The following ATP8A2 variants were observed in gnomAD, a reference collection of about 807,000 sequenced individuals.
ATP8A2 encodes phospholipid-transporting ATPase IB.
A neutral mutation model predicts 165.6 loss-of-function variants in ATP8A2; 100 were observed. The ratio of observed to expected loss-of-function variants is 0.60; its 90% CI spans 0.51 to 0.71. The LOEUF (loss-of-function observed/expected upper bound fraction) is 0.71, where lower values mean the gene tolerates loss of function less well. ATP8A2 is among the 30% of genes least tolerant of loss of function. The pLI is 0.00. For synonymous variants in ATP8A2, 543 were observed against 548.8 expected (o/e 0.99, Z 0.15); for missense variants, 1,227 against 1,479.5 (o/e 0.83, Z 2.80).
chr13:25,724,115 G>C (rs73154547), intron 25 of ATP8A2, among the ~76,000 whole-genome samples: 15,000 of 152,252 alleles, frequency 0.099, 799 homozygotes, highest in African/African-American at 0.13. Flanking sequence ...TTGAGCTCCA[G>C]ATGAGAACAC....
At chr13:25,760,790 A>T (rs1463751985) in intron 25 of ATP8A2, among the ~76,000 whole-genome samples, 1 of 152,198 alleles carries the variant, frequency 6.6e-6, no homozygotes, top group Non-Finnish European at 1.5e-5. Context: ...GTGGAGTGTG[A>T]AGAAGAGCTC....
chr13:25,815,855 T>C (rs1951004085), intron 27 of ATP8A2, among the ~76,000 whole-genome samples: 1 of 152,164 alleles, frequency 6.6e-6, no homozygotes, highest in South Asian at 2.1e-4. Flanking sequence ...TATTTAGCCT[T>C]AAAAAGAATG....
In ATP8A2 at chr13:25,559,743, G is replaced by C; in HGVS notation, c.1375G>C (p.Glu459Gln). Residue 459 changes from glutamate (E) to glutamine (Q), a missense_variant, in exon 15 of 37, where the codon GAG (glutamate) becomes CAG (glutamine). This residue lies in a region of ATP8A2 where 592 missense variants were observed against 785.6 expected (regional missense o/e 0.75). Coordinates refer to ENST00000381655, the MANE Select transcript of ATP8A2 (RefSeq NM_016529.6). ...CAGTCACTTCCCAGAATTGGCAAGAGAGCCGTCTTCAGATGACTTCTGGTA... is the reference window on the plus strand; with the variant it reads ...CAGTCACTTCCCAGAATTGGCAAGACAGCCGTCTTCAGATGACTTCTGGTA... ...TYGHFPELAR[E>Q]PSSDDFCRMP... is the part of the protein sequence containing the mutation. 4 of 1,613,634 alleles carry C rather than the reference G, an allele frequency of 2.5e-6. No homozygotes were observed. Among genetic ancestry groups the C allele is most frequent in the Non-Finnish European group, 3.4e-6 (4 of 1,179,612 alleles).
At chr13:25,814,508 G>T (rs1176436250) in intron 27 of ATP8A2, among the ~76,000 whole-genome samples, 1 of 150,840 alleles carries the variant, frequency 6.6e-6, no homozygotes, top group Non-Finnish European at 1.5e-5. Flanking sequence ...AACAGTGTGT[G>T]TTACCATAAA....
At position 25,620,741 on chromosome 13, in the gene ATP8A2, G is replaced by T. The variant is rs9581409; in HGVS notation, c.2211+31042G>T. Among the ~76,000 whole-genome samples the T allele has an allele frequency of 3.6e-3, 543 of 152,186 alleles. 3 individuals are homozygous for T. The highest frequency in any genetic ancestry group is 0.017 in the Middle Eastern group (5 of 294). On this transcript the variant is annotated intron_variant, in intron 24 of 36. Transcript: ENST00000381655. ...ACAGTTGATAGAAATATGAAATTAAGACAAAATTCTTTACTACATTTTAAG... is the reference window on the plus strand; with the variant it reads ...ACAGTTGATAGAAATATGAAATTAATACAAAATTCTTTACTACATTTTAAG...
At chr13:25,450,634 C>G (rs956413177) in intron 1 of ATP8A2, among the ~76,000 whole-genome samples, 3 of 152,224 alleles carry the variant, frequency 2.0e-5, no homozygotes, top group South Asian at 4.2e-4. Flanking sequence ...CGGGTTCACG[C>G]CATTCTCCTG....
chr13:25,721,051 G>C (rs1361511540), intron 25 of ATP8A2, among the ~76,000 whole-genome samples: 1 of 151,018 alleles, frequency 6.6e-6, no homozygotes, highest in East Asian at 1.9e-4. Context: ...GAACTCCTAG[G>C]CTCAAGTGAT....
At chr13:25,463,005 C>A (rs569185307) in intron 1 of ATP8A2, among the ~76,000 whole-genome samples, 7 of 152,042 alleles carry the variant, frequency 4.6e-5, no homozygotes, top group African/African-American at 1.4e-4. Flanking sequence ...CGTGGGACGG[C>A]CTGTGTGACT....
chr13:25,629,572 C>T (rs4293223), intron 24 of ATP8A2, among the ~76,000 whole-genome samples: 2,925 of 152,050 alleles, frequency 0.019, 91 homozygotes, highest in African/African-American at 0.065. Context: ...CAAGTATTTG[C>T]GTTAGGTGAG....
chr13:25,884,592 C>A lies in ATP8A2; in HGVS notation c.3183+22184C>A, dbSNP rs147636149. 2.3e-3 allele frequency among the ~76,000 whole-genome samples: 348 copies of A among 152,298 alleles called. 4 individuals carry two copies. The highest frequency in any genetic ancestry group is 7.8e-3 in the African/African-American group (324 of 41,566). On this transcript the variant is annotated intron_variant, in intron 33 of 36. Coordinates refer to ENST00000381655, the MANE Select transcript of ATP8A2 (RefSeq NM_016529.6). ...TTGGGAAGATAGAGGATGTTGTGAT[C>A]GCCTGGTCTGGGACAGTGATGAGCT...
chr13:25,968,749 A>G lies in ATP8A2; in HGVS notation c.3377+70A>G, dbSNP rs529059567. The G allele has an allele frequency of 3.3e-5, 42 of 1,280,644 alleles. No homozygotes were observed. The African/African-American group carries it at 5.1e-4, about 16-fold the overall frequency. The allele number at this position is 1,280,644 out of a possible 1,614,324, so 79.3% of individuals were successfully genotyped here. ...GCCCTTTTCCCTTATTCCTTCCTGT[A>G]TTTCTTTTTCTCATCTTGGTTTTCG... On this transcript the variant is annotated intron_variant, in intron 35 of 36. Transcript: ENST00000381655.
At chr13:25,796,434 C>T (rs1950499658) in intron 27 of ATP8A2, among the ~76,000 whole-genome samples, 1 of 152,190 alleles carries the variant, frequency 6.6e-6, no homozygotes, top group South Asian at 2.1e-4. Flanking sequence ...CCTCTCTTCA[C>T]TGCATAGGGG....
At chr13:26,009,081 A>G (rs575152891) in intron 35 of ATP8A2, among the ~76,000 whole-genome samples, 1 of 152,322 alleles carries the variant, frequency 6.6e-6, no homozygotes, top group Non-Finnish European at 1.5e-5. Context: ...TTTTTATGGA[A>G]GGGAGAAGAA....
At chr13:25,961,180 C>A (rs1032356809) in intron 33 of ATP8A2, among the ~76,000 whole-genome samples, 2 of 152,104 alleles carry the variant, frequency 1.3e-5, no homozygotes, top group South Asian at 4.2e-4. Flanking sequence ...CATGAATGAA[C>A]GGGCATTGAG....
intron 33 of ATP8A2, among the ~76,000 whole-genome samples, chr13:25,956,037 C>G (rs911443515): frequency 6.6e-6 from 1 of 152,180 alleles, no homozygotes; most frequent in Non-Finnish European, 1.5e-5. Context: ...ATGAGTATCT[C>G]ACTAGATGCA....
intron 24 of ATP8A2, among the ~76,000 whole-genome samples, chr13:25,628,436 T>A (rs1014017849): frequency 1.6e-4 from 25 of 152,328 alleles, no homozygotes; most frequent in Admixed American, 1.6e-3. Context: ...TAAATGCACT[T>A]ACGTTTTCAT....
At position 26,009,522 on chromosome 13, in the gene ATP8A2, T is replaced by A. The variant is rs1014781083; in HGVS notation, c.3378-3009T>A. 3.3e-5 allele frequency among the ~76,000 whole-genome samples: 5 copies of A among 152,112 alleles called. No homozygotes were observed. In the East Asian group the frequency reaches 9.7e-4, roughly 29 times the overall value. On this transcript the variant is annotated intron_variant, in intron 35 of 36. Coordinates refer to ENST00000381655, the MANE Select transcript of ATP8A2 (RefSeq NM_016529.6). Reference sequence around the variant, plus strand: ...CTTGGCCACCCCCACAGACCTGGGGTGTGCACATTGGCTATATGGTCTACT... The same window carrying A: ...CTTGGCCACCCCCACAGACCTGGGGAGTGCACATTGGCTATATGGTCTACT...
intron 35 of ATP8A2, among the ~76,000 whole-genome samples, chr13:25,975,000 TCTC>T (rs1462754649): frequency 6.6e-6 from 1 of 152,094 alleles, no homozygotes; most frequent in African/African-American, 2.4e-5. Context: ...CTGCTTCTCT[TCTC>T]ACGTGTGCGA....
intron 33 of ATP8A2, among the ~76,000 whole-genome samples, chr13:25,920,340 C>T (rs1954411102): frequency 6.6e-6 from 1 of 152,160 alleles, no homozygotes; most frequent in Admixed American, 6.5e-5. Context: ...TTAGGTCACC[C>T]TTCCTGGTGC....
Sources: allele counts gnomAD v4.1 joint callset (sites outside exome capture counted in the v4.1 genomes callset), GRCh38; gene constraint gnomAD v4.1.1; regional missense constraint gnomAD v4.1.1; transcripts MANE v1.5; gene names NCBI Gene and HGNC (gene_info 2026-07-23, HGNC 2026-07-21).